FSTL4: variants seen among roughly 807,000 people sequenced by gnomAD.
FSTL4 encodes the protein follistatin-related protein 4.
A neutral mutation model predicts 78.2 loss-of-function variants in FSTL4; 28 were observed. The observed-to-expected ratio is 0.36, with a 90% CI of 0.27 to 0.49. FSTL4 has a LOEUF of 0.49. Among genes scored for constraint, FSTL4 ranks in the 20% least tolerant of loss-of-function variants. The pLI is 0.98. For synonymous variants in FSTL4, 422 were observed against 440.5 expected (o/e 0.96, Z 0.53); for missense variants, 922 against 1,084.9 (o/e 0.85, Z 2.11).
In FSTL4 at chr5:133,473,232, G is replaced by GA. The variant is rs548872884; in HGVS notation, c.161-72247dup. 1.4e-3 allele frequency among the ~76,000 whole-genome samples: 197 copies of GA among 144,488 alleles called. 2 individuals are homozygous for GA. The highest frequency in any genetic ancestry group is 1.8e-3 in the Non-Finnish European group (123 of 66,902). The allele number at this position is 144,488 out of a possible 152,430, so 94.8% of individuals were successfully genotyped here. ...GAGAGACTCTGATTTGAAAAGAAAA[G>GA]AAAAAAAAAATCAATGGTGTGTTTT... On this transcript the variant is annotated intron_variant, in intron 3 of 15. Transcript: ENST00000265342.
At chr5:133,735,314 T>C in the FSTL4 span, among the ~76,000 whole-genome samples, 10 of 152,016 alleles carry the variant, frequency 6.6e-5, no homozygotes, top group African/African-American at 2.4e-4. Context: ...AATACAAAAA[T>C]TAGCTGGGCA....
At chr5:133,204,431 T>C (rs183852059) in intron 14 of FSTL4, among the ~76,000 whole-genome samples, 10 of 152,268 alleles carry the variant, frequency 6.6e-5, no homozygotes, top group African/African-American at 2.4e-4. Flanking sequence ...GTAACAAACA[T>C]TGTATTTGTG....
At chr5:133,377,098 C>G (rs898405400) in intron 4 of FSTL4, among the ~76,000 whole-genome samples, 4 of 152,080 alleles carry the variant, frequency 2.6e-5, no homozygotes, top group Non-Finnish European at 5.9e-5. Context: ...GATGCCAGCA[C>G]AACTAATCCC....
the FSTL4 span, among the ~76,000 whole-genome samples, chr5:133,811,370 T>C: frequency 6.6e-6 from 1 of 152,274 alleles, no homozygotes; most frequent in African/African-American, 2.4e-5. Flanking sequence ...AGGACTTGCC[T>C]CTTCCATGCA....
chr5:133,560,719 A>G (rs1759892894), intron 3 of FSTL4, among the ~76,000 whole-genome samples: 1 of 150,558 alleles, frequency 6.6e-6, no homozygotes, highest in Non-Finnish European at 1.5e-5. Flanking sequence ...TTCTGATTGT[A>G]GAAAGAGAGA....
At chr5:133,522,216 C>T (rs188509444) in intron 3 of FSTL4, among the ~76,000 whole-genome samples, 1 of 152,212 alleles carries the variant, frequency 6.6e-6, no homozygotes, top group East Asian at 1.9e-4. Context: ...AATTCCCTTG[C>T]TGGGAATTAA....
At chr5:133,561,315 C>G (rs1283981234) in intron 3 of FSTL4, among the ~76,000 whole-genome samples, 1 of 151,758 alleles carries the variant, frequency 6.6e-6, no homozygotes, top group East Asian at 1.9e-4. Flanking sequence ...CTGTCCTGTG[C>G]CAAGGCGTCT....
chr5:133,548,334 T>C (rs1759623778), intron 3 of FSTL4, among the ~76,000 whole-genome samples: 1 of 152,140 alleles, frequency 6.6e-6, no homozygotes, highest in Non-Finnish European at 1.5e-5. Flanking sequence ...AGAGCAGTCT[T>C]ATAGAGGACT....
At chr5:133,265,552 C>A (rs1374202249) in intron 6 of FSTL4, among the ~76,000 whole-genome samples, 4 of 152,190 alleles carry the variant, frequency 2.6e-5, no homozygotes, top group African/African-American at 9.7e-5. Context: ...GGACACAAAC[C>A]CACAAAAATA....
intron 4 of FSTL4, among the ~76,000 whole-genome samples, chr5:133,363,396 C>G (rs1755112045): frequency 6.6e-6 from 1 of 151,962 alleles, no homozygotes; most frequent in Admixed American, 6.6e-5. Flanking sequence ...TTGTTTTCCC[C>G]CAGCAACTCT....
the FSTL4 span, among the ~76,000 whole-genome samples, chr5:133,646,522 T>A: frequency 6.6e-6 from 1 of 152,134 alleles, no homozygotes; most frequent in African/African-American, 2.4e-5. Context: ...CCCGTCTGGT[T>A]ACTGGTATGG....
At chr5:133,427,237 G>A (rs1394335074) in intron 3 of FSTL4, among the ~76,000 whole-genome samples, 1 of 152,198 alleles carries the variant, frequency 6.6e-6, no homozygotes, top group Non-Finnish European at 1.5e-5. Context: ...GACGAGAGAC[G>A]GCTCATGTGC....
chr5:133,444,021 C>T (rs1051429488), intron 3 of FSTL4, among the ~76,000 whole-genome samples: 1 of 152,144 alleles, frequency 6.6e-6, no homozygotes, highest in East Asian at 1.9e-4. Flanking sequence ...TCTTTTCCTC[C>T]TGGGCACTTG....
chr5:133,476,286 T>C (rs246961), intron 3 of FSTL4, among the ~76,000 whole-genome samples: 44,556 of 152,074 alleles, frequency 0.29, 11,052 homozygotes, highest in African/African-American at 0.68. Flanking sequence ...ACTGGGCGGC[T>C]AGTGAGTGCT....
At chr5:133,535,710 G>A (rs933951071) in intron 3 of FSTL4, among the ~76,000 whole-genome samples, 2 of 152,100 alleles carry the variant, frequency 1.3e-5, no homozygotes, top group Non-Finnish European at 2.9e-5. Flanking sequence ...GGGTCTCCCC[G>A]ACCGAGCTGT....
At chr5:133,819,973 G>A in the FSTL4 span, among the ~76,000 whole-genome samples, 1 of 152,174 alleles carries the variant, frequency 6.6e-6, no homozygotes, top group Non-Finnish European at 1.5e-5. Flanking sequence ...GCCGCTCATA[G>A]GTACACTGAC....
chr5:133,838,110 A>G, the FSTL4 span, among the ~76,000 whole-genome samples: 2 of 151,894 alleles, frequency 1.3e-5, no homozygotes, highest in East Asian at 1.9e-4. Context: ...CTGGTCTGGA[A>G]CTCCTGACAT....
chr5:133,202,127 C>T (rs961125140), intron 14 of FSTL4, 85 bp from the exon 15 acceptor site: 5 of 812,868 alleles, frequency 6.2e-6, no homozygotes, highest in Middle Eastern at 2.4e-4. Flanking sequence ...GGTGGAGTCA[C>T]CCCGGCAGAG....
At position 133,316,608 on chromosome 5, in the gene FSTL4, G is replaced by C. The variant is rs1432362080; in HGVS notation, c.454C>G (p.Leu152Val). 1 of 1,614,084 alleles carries C rather than the reference G, an allele frequency of 6.2e-7. No individual in the cohort carries two copies. The highest frequency in any genetic ancestry group is 1.1e-5 in the South Asian group (1 of 91,070). The change falls in exon 5 of 16, where the codon CTT becomes GTT. Residue 152 changes from leucine to valine, a missense_variant. By Grantham distance (32) the Leu-to-Val change is conservative. Coordinates refer to ENST00000265342, the MANE Select transcript of FSTL4 (RefSeq NM_015082.2). ...TGCAGACGGGTCTGGAGTGCCAGAA[G>C]GACATTCTTCAAGCGGGCGTAGCCG... ...MAGYARLKNVLLALQTRLQPL... is the reference protein window; with the variant it reads ...MAGYARLKNVVLALQTRLQPL...
Sources: allele counts gnomAD v4.1 joint callset (sites outside exome capture counted in the v4.1 genomes callset), GRCh38; gene constraint gnomAD v4.1.1; transcripts MANE v1.5; gene names NCBI Gene and HGNC (gene_info 2026-07-23, HGNC 2026-07-21).